APBB1: variants seen among roughly 807,000 people sequenced by gnomAD.
The protein encoded by APBB1 is adaptor protein FE65a2.
APBB1 carries 22 observed loss-of-function variants against 78.4 expected under a neutral mutation model. The observed-to-expected ratio is 0.28, with a 90% confidence interval of 0.20 to 0.40. The LOEUF (loss-of-function observed/expected upper bound fraction) is 0.40, where lower values mean the gene tolerates loss of function less well. Among genes scored for constraint, APBB1 ranks in the 10% least tolerant of loss-of-function variants. The pLI is 1.00. For synonymous variants in APBB1, 369 were observed against 372.7 expected, an observed-to-expected ratio of 0.99 and a Z score of 0.12; for missense variants, 749 against 932.4, an observed-to-expected ratio of 0.80 and a Z score of 2.56.
At chr11:6,412,527 T>C (rs930620150) in intron 1 of APBB1, among the ~76,000 whole-genome samples, 2 of 152,138 alleles carry the variant, frequency 1.3e-5, no homozygotes, top group African/African-American at 4.8e-5. Flanking sequence ...AACCACAGGC[T>C]ACCTCCGCCC....
At chr11:6,402,773 C>T (rs1356778507) in intron 6 of APBB1, 48 bp from the exon 7 acceptor site, 1 of 1,610,544 alleles carries the variant, frequency 6.2e-7, no homozygotes, top group South Asian at 1.1e-5. Flanking sequence ...TGAGTCAAAA[C>T]TGGAGAGTTC....
chr11:6,414,001 C>A (rs1035759361), intron 1 of APBB1, among the ~76,000 whole-genome samples: 10 of 152,112 alleles, frequency 6.6e-5, no homozygotes. Context: ...AAAATGGAAA[C>A]CAGATTGTGT....
At chr11:6,396,070 G>A (rs771184223) in intron 13 of APBB1, 30 bp downstream of exon 13, 66 of 1,590,534 alleles carry the variant, frequency 4.1e-5, no homozygotes, top group South Asian at 1.8e-4. Flanking sequence ...ATGGCAAGGC[G>A]CAGCCACGAC....
At chr11:6,415,638 G>C (rs2634190) in intron 1 of APBB1, among the ~76,000 whole-genome samples, 39,781 of 151,950 alleles carry the variant, frequency 0.26, 5,411 homozygotes, top group Admixed American at 0.31. Flanking sequence ...TTGGCCACCC[G>C]TCTCAGAGGC....
At position 6,402,616 on chromosome 11, in the gene APBB1, T is replaced by C. The variant is rs1374516703; in HGVS notation, c.1214A>G (p.Lys405Arg). The stretch of plus-strand genomic sequence containing the variant: ...AGACATGGGGTCATGCAGGTTGTTT[T>C]TGTGGTAAGAGAGCTGACGGATGCA... ...NNCIRQLSYHKNNLHDPMSGG... is the reference protein window; with the variant it reads ...NNCIRQLSYHRNNLHDPMSGG... Residue 405 changes from lysine to arginine, a missense_variant, in exon 7 of 15, where the codon AAA becomes AGA. Lys to Arg is a conservative substitution (Grantham distance 26, BLOSUM62 2). Transcript: ENST00000609360. 3 of 1,614,034 alleles carry C rather than the reference T, an allele frequency of 1.9e-6. No individual in the cohort carries two copies. The highest frequency in any genetic ancestry group is 2.2e-5 in the East Asian group (1 of 44,864).
chr11:6,412,246 G>C (rs911780985), intron 1 of APBB1, among the ~76,000 whole-genome samples: 1 of 152,092 alleles, frequency 6.6e-6, no homozygotes, highest in Non-Finnish European at 1.5e-5. Flanking sequence ...TCTGCCTCTC[G>C]GGTTCAAGTG....
At chr11:6,396,022 T>A (rs1374651890) in intron 13 of APBB1, 60 bp from the exon 14 acceptor site, 2 of 1,600,718 alleles carry the variant, frequency 1.2e-6, no homozygotes, top group African/African-American at 2.7e-5. Context: ...TCCACATCCA[T>A]CTTAGCAGCT....
rs1848944132 is a variant in APBB1, at chr11:6,410,904, C to T, written c.444G>A (p.Glu148=). The part of the protein sequence containing the change: ...IISTQEQGPD[E]GEEKAAGEAE... ...CCTCCCCGGCCGCCTTCTCCTCTCC[C>T]TCATCTGGCCCCTGCTCTTGAGTGC... Residue 148 remains glutamate, a synonymous_variant, in exon 2 of 15, where the codon GAG becomes GAA. Transcript: ENST00000609360. The T allele has an allele frequency of 1.9e-6, 3 of 1,614,200 alleles. No homozygotes were observed. Among genetic ancestry groups the T allele is most frequent in the South Asian group, 2.2e-5 (2 of 91,092 alleles).
At chr11:6,402,898 G>T in intron 6 of APBB1, 173 bp from the exon 7 acceptor site, 2 of 858,782 alleles carry the variant, frequency 2.3e-6, no homozygotes, top group Non-Finnish European at 3.5e-6. Context: ...GATGTCAGAT[G>T]AGACCCCAGC....
chr11:6,404,663 G>C, intron 2 of APBB1: 2 of 1,536,252 alleles, frequency 1.3e-6, no homozygotes, highest in Non-Finnish European at 1.7e-6. Flanking sequence ...CTCCAACCCT[G>C]TAACCCGCTC....
In APBB1 at chr11:6,403,338, A is replaced by T. The variant is rs776535122; in HGVS notation, c.1021T>A (p.Phe341Ile). The change falls in exon 5 of 15, where the codon TTC becomes ATC. Residue 341 changes from phenylalanine (F) to isoleucine (I), a missense_variant. By Grantham distance (21) the Phe-to-Ile change is conservative. Coordinates refer to ENST00000609360, the MANE Select transcript of APBB1 (RefSeq NM_001164.5). This position sits in a 1 kb window ranked among gnomAD's most constrained non-coding sequence, Gnocchi z 5.3. Reference protein sequence around the residue: ...LKEPEEGTLTFPAQSLSPEPL... With the variant: ...LKEPEEGTLTIPAQSLSPEPL... ...GCTCACCTGAGGCTCTGAGCTGGGAAGGTCAACGTCCCCTCCTCAGGTTCC... is the reference window on the plus strand; with the variant it reads ...GCTCACCTGAGGCTCTGAGCTGGGATGGTCAACGTCCCCTCCTCAGGTTCC... 2.5e-6 allele frequency: 4 copies of T among 1,614,138 alleles called. No individual in the cohort carries two copies. Among genetic ancestry groups the T allele is most frequent in the Non-Finnish European group, 3.4e-6 (4 of 1,179,994 alleles).
At position 6,401,126 on chromosome 11, in the gene APBB1, C is replaced by A; in HGVS notation, c.1589-54G>T. 1 of 1,614,090 alleles carries A rather than the reference C, an allele frequency of 6.2e-7. No homozygotes were observed. The highest frequency in any genetic ancestry group is 8.5e-7 in the Non-Finnish European group (1 of 1,180,002). Reference sequence around the variant, plus strand: ...GGTGGCAGACCTTGCTCACCCGCAGCCCCACCAGCAGGGCATAAGCTGGAC... The same window carrying A: ...GGTGGCAGACCTTGCTCACCCGCAGACCCACCAGCAGGGCATAAGCTGGAC... On this transcript the variant is annotated intron_variant, in intron 11 of 14. Coordinates refer to ENST00000609360, the MANE Select transcript of APBB1 (RefSeq NM_001164.5). This position sits in a 1 kb window ranked among gnomAD's most constrained non-coding sequence, Gnocchi z 4.5.
At chr11:6,405,503 T>C in intron 2 of APBB1, 1 of 986,748 alleles carries the variant, frequency 1.0e-6, no homozygotes, top group African/African-American at 1.7e-5. Context: ...GAATCCTGAC[T>C]GGTCCAAGAG....
At chr11:6,398,520 C>G (rs570426651) in intron 12 of APBB1, among the ~76,000 whole-genome samples, 1 of 152,298 alleles carries the variant, frequency 6.6e-6, no homozygotes, top group Admixed American at 6.5e-5. Context: ...CCAAGCGGAG[C>G]AGTCAAGGGT....
chr11:6,417,381 G>A (rs1046126643), intron 1 of APBB1, among the ~76,000 whole-genome samples: 3 of 152,046 alleles, frequency 2.0e-5, no homozygotes, highest in Admixed American at 1.3e-4. Context: ...GCACCATACA[G>A]CTTTTCTTCA....
At chr11:6,408,743 A>C (rs911073066) in intron 2 of APBB1, among the ~76,000 whole-genome samples, 2 of 152,252 alleles carry the variant, frequency 1.3e-5, no homozygotes, top group African/African-American at 4.8e-5. Flanking sequence ...ACCTCACGTG[A>C]TCCACCTGCC....
chr11:6,400,136 T>A (rs1340430838), intron 12 of APBB1, among the ~76,000 whole-genome samples: 3 of 152,208 alleles, frequency 2.0e-5, no homozygotes, highest in Admixed American at 2.0e-4. Context: ...CTGTGGCCAC[T>A]GTTCTCCCTG....
intron 2 of APBB1, chr11:6,404,813 C>T (rs1388067086): frequency 6.5e-7 from 1 of 1,535,998 alleles, no homozygotes; most frequent in South Asian, 1.2e-5. Context: ...CATTCCCGGC[C>T]CCTCCTGCCT....
chr11:6,403,962 TAGAG>T lies in APBB1; in HGVS notation c.722-144_722-141del. ...CCACAACACAGTTCCTGCTTCTGCC[TAGAG>T]CCTATAGTCTGGAGTCACCACATGT... On this transcript the variant is annotated intron_variant, in intron 2 of 14. Transcript: ENST00000609360. The surrounding 1 kb of genome is among the most constrained non-coding windows in gnomAD (Gnocchi z 5.3). 1.1e-6 allele frequency: 1 copy of T among 921,038 alleles called. No individual in the cohort carries two copies. Among genetic ancestry groups the T allele is most frequent in the Non-Finnish European group, 1.6e-6 (1 of 638,868 alleles). 57.1% of individuals were successfully genotyped at this position (921,038 alleles called of 1,614,324 possible).
Sources: gnomAD v4.1 joint callset for allele counts (sites outside exome capture counted in the v4.1 genomes callset) on GRCh38, gnomAD v4.1.1 for gene constraint, Gnocchi (gnomAD v3.1) non-coding constraint, MANE v1.5 for transcripts, NCBI Gene and HGNC (gene_info 2026-07-23, HGNC 2026-07-21) for gene names.